Variants in TNK2 observed in about 807,000 individuals in gnomAD.
TNK2 encodes the protein activated CDC42 kinase 1.
In TNK2, 83 loss-of-function variants were observed where a neutral mutation model predicts 101.8. The ratio of observed to expected loss-of-function variants is 0.82; its 90% CI spans 0.68 to 0.98. TNK2 has a LOEUF of 0.98. TNK2 is among the 50% of genes least tolerant of loss of function. The probability of loss-of-function intolerance (pLI) is 0.00; values close to 1 mark genes in which losing one functional copy is unlikely to be tolerated. For synonymous variants in TNK2, 804 were observed against 633.0 expected, an observed-to-expected ratio of 1.27 and a Z score of -4.06; for missense variants, 1,665 against 1,483.2, an observed-to-expected ratio of 1.12 and a Z score of -2.01.
chr3:195,895,542 C>CAGCTCCGT, intron 1 of TNK2: 1 of 1,335,358 alleles, frequency 7.5e-7, no homozygotes, highest in Non-Finnish European at 9.5e-7. Flanking sequence ...CAGCCCGTCC[C>CAGCTCCGT]AGCTCCGTTC....
rs762154889 is a variant in TNK2, at chr3:195,868,228, C to T, written c.2070G>A (p.Glu690=). 6.8e-6 allele frequency: 11 copies of T among 1,606,232 alleles called. No homozygotes were observed. The African/African-American group carries it at 9.4e-5, about 14-fold the overall frequency. The stretch of plus-strand genomic sequence containing the variant: ...CCAGGGGAGGGGGCGGCCGCGCCTG[C>T]TCAGGCACAAAGGCGTAGTTGGTCT... ...QGQTNYAFVP[E]QARPPPPLED... Residue 690 remains glutamate, a synonymous_variant, in exon 13 of 16, where the codon GAG becomes GAA. Transcript: ENST00000672887.
intron 1 of TNK2, among the ~76,000 whole-genome samples, chr3:195,904,945 A>G (rs1341731768): frequency 6.6e-6 from 1 of 152,228 alleles, no homozygotes; most frequent in African/African-American, 2.4e-5. Flanking sequence ...CATAATCCCA[A>G]TCAAAATCCC....
At chr3:195,883,430 G>A in intron 4 of TNK2, 121 bp from the exon 5 acceptor site, 1 of 1,215,972 alleles carries the variant, frequency 8.2e-7, no homozygotes, top group Non-Finnish European at 1.2e-6. Flanking sequence ...CATCTGGGTG[G>A]GTAAGCATGT....
intron 1 of TNK2, among the ~76,000 whole-genome samples, chr3:195,898,648 C>T (rs775295059): frequency 3.5e-5 from 5 of 144,920 alleles, no homozygotes; most frequent in Non-Finnish European, 6.2e-5. Flanking sequence ...TTTTAAGAGA[C>T]TGGGTCTTGC....
intron 1 of TNK2, among the ~76,000 whole-genome samples, chr3:195,889,992 G>A (rs1757716708): frequency 6.6e-6 from 1 of 152,250 alleles, no homozygotes; most frequent in Admixed American, 6.5e-5. Flanking sequence ...CACAGCCTGG[G>A]CCCAGCGTGA....
chr3:195,869,284 G>A (rs368986633), intron 12 of TNK2: 14 of 617,472 alleles, frequency 2.3e-5, no homozygotes, highest in South Asian at 1.7e-4. Context: ...CGAGGCGGAA[G>A]CCAGGGCCAC....
rs1404501521 is a variant in TNK2 at position 195,886,655 on chromosome 3, C to T, written c.234+322G>A. On this transcript the variant is annotated intron_variant, in intron 3 of 15. Coordinates refer to ENST00000672887, the MANE Select transcript of TNK2 (RefSeq NM_001382273.1). The surrounding 1 kb of genome is among the most constrained non-coding windows in gnomAD (Gnocchi z 4.2). ...CCACCACCCCACGCTGGACACTGGC[C>T]CCAACGCTCAGACACAGCAGGGCTA... 6.6e-6 allele frequency among the ~76,000 whole-genome samples: 1 copy of T among 152,132 alleles called. No homozygotes were observed. The highest frequency in any genetic ancestry group is 1.5e-5 in the Non-Finnish European group (1 of 68,028).
chr3:195,905,270 G>T (rs866794576), intron 1 of TNK2, among the ~76,000 whole-genome samples: 10 of 152,068 alleles, frequency 6.6e-5, no homozygotes, highest in Non-Finnish European at 1.3e-4. Flanking sequence ...CGCAATCTTG[G>T]CTCACTGCAA....
rs369134518 is a variant in TNK2 at position 195,865,379 on chromosome 3, TGACA to T, written c.3162-1196_3162-1193del. On this transcript the variant is annotated intron_variant, in intron 15 of 15. Transcript: ENST00000672887. ...AATCAGTAAGAACCACCCGAGACAG[TGACA>T]GACAGGTGACACAGAGTGCCTGCGT... Among the ~76,000 whole-genome samples, 731 of 132,692 alleles carry T rather than the reference TGACA, an allele frequency of 5.5e-3. 10 individuals carry two copies. The highest frequency in any genetic ancestry group is 0.02 in the African/African-American group (679 of 33,666). The allele number at this position is 132,692 out of a possible 152,430, so 87.1% of individuals were successfully genotyped here.
Position 195,868,686 on chromosome 3 carries a change from C to G in TNK2, c.1612G>C (p.Glu538Gln), listed in dbSNP as rs535561787. 1 of 1,590,434 alleles carries G rather than the reference C, an allele frequency of 6.3e-7. No homozygotes were observed. The highest frequency in any genetic ancestry group is 8.5e-7 in the Non-Finnish European group (1 of 1,176,648). ...TCGCTGGACAAGGGGTCTTGGTCCT[C>G]GCTCACAGGGTCATAGGTTGGTTCT... is the stretch of plus-strand genomic sequence containing the variant. ...TQKPTYDPVS[E>Q]DQDPLSSDFK... The change falls in exon 13 of 16, where the codon GAG becomes CAG. Residue 538 changes from glutamate to glutamine, a missense_variant. Physicochemically the swap from Glu to Gln is conservative, Grantham distance 29 (BLOSUM62 2). Coordinates refer to ENST00000672887, the MANE Select transcript of TNK2 (RefSeq NM_001382273.1).
intron 11 of TNK2, 44 bp downstream of exon 11, chr3:195,870,070 G>A (rs1413873809): frequency 5.0e-6 from 7 of 1,392,428 alleles, no homozygotes; most frequent in Middle Eastern, 1.8e-4. Context: ...CCCTTCCTGA[G>A]TAGCCGATGA....
chr3:195,872,165 C>G, intron 10 of TNK2, 111 bp downstream of exon 10: 1 of 1,274,600 alleles, frequency 7.8e-7, no homozygotes, highest in Admixed American at 2.3e-5. Flanking sequence ...GGGTCGGGGG[C>G]TGAAGCCCGG....
chr3:195,871,863 A>G (rs1745564209), intron 10 of TNK2, among the ~76,000 whole-genome samples: 1 of 151,970 alleles, frequency 6.6e-6, no homozygotes, highest in South Asian at 2.1e-4. Flanking sequence ...TCGGCCCCCC[A>G]AAGCTTGAAA....
rs1239950465 is a variant in TNK2, at chr3:195,885,475, C to T, written c.235-442G>A. The T allele has an allele frequency of 1.2e-5, 16 of 1,303,124 alleles. No individual in the cohort carries two copies. Among genetic ancestry groups the T allele is most frequent in the Non-Finnish European group, 1.5e-5 (15 of 998,236 alleles). The allele number at this position is 1,303,124 out of a possible 1,614,324, so 80.7% of individuals were successfully genotyped here. A position where few individuals can be genotyped will look rare whatever the true frequency, so the allele number is the denominator to read the frequency against. On this transcript the variant is annotated intron_variant, in intron 3 of 15. Transcript: ENST00000672887. This position sits in a 1 kb window ranked among gnomAD's most constrained non-coding sequence, Gnocchi z 4.7. ...CTCCTTGTCCATTTTTAGCCCTGGC[C>T]CCTTCTCTGGCCTGACCATTTGGTG...
intron 10 of TNK2, chr3:195,870,411 C>A: frequency 7.0e-6 from 10 of 1,432,546 alleles, no homozygotes; most frequent in Non-Finnish European, 9.3e-6. Flanking sequence ...ACACCTGACC[C>A]CAGGATGGAA....
intron 1 of TNK2, chr3:195,891,995 G>A (rs552070884): frequency 7.9e-5 from 80 of 1,009,200 alleles, no homozygotes; most frequent in Non-Finnish European, 9.2e-5. Context: ...GGACGGGAAG[G>A]AACTCCGGGA....
At chr3:195,898,599 C>A (rs542553335) in intron 1 of TNK2, among the ~76,000 whole-genome samples, 23 of 152,176 alleles carry the variant, frequency 1.5e-4, no homozygotes, top group East Asian at 7.7e-4. Flanking sequence ...AGTGTTTGCC[C>A]TTCCCTAGAC....
Position 195,864,077 on chromosome 3 carries a change from G to A in TNK2, c.*104C>T, listed in dbSNP as rs960043155. 1.3e-6 allele frequency: 2 copies of A among 1,507,970 alleles called. No homozygotes were observed. The highest frequency in any genetic ancestry group is 1.8e-6 in the Non-Finnish European group (2 of 1,093,808). The allele number at this position is 1,507,970 out of a possible 1,614,324, so 93.4% of individuals were successfully genotyped here. The stretch of plus-strand genomic sequence containing the variant: ...TGCTCCATCCCCGGGAGCAGCAGGA[G>A]CAGCGGGTCCTCCAGGACTGGATGG... On this transcript the variant is annotated 3_prime_UTR_variant, in exon 16 of 16. Coordinates refer to ENST00000672887, the MANE Select transcript of TNK2 (RefSeq NM_001382273.1).
intron 1 of TNK2, chr3:195,892,544 C>T (rs1388126640): frequency 1.4e-5 from 22 of 1,525,660 alleles, no homozygotes; most frequent in Non-Finnish European, 1.8e-5. Context: ...GCCTCGGCTC[C>T]GGAGCTTCGC....
Sources: allele counts gnomAD v4.1 joint callset (sites outside exome capture counted in the v4.1 genomes callset), GRCh38; gene constraint gnomAD v4.1.1; non-coding constraint Gnocchi (gnomAD v3.1); transcripts MANE v1.5; gene names NCBI Gene and HGNC (gene_info 2026-07-23, HGNC 2026-07-21).